The following ARHGEF4 variants were observed in gnomAD, a reference collection of about 807,000 sequenced individuals.
ARHGEF4 encodes Rho guanine nucleotide exchange factor 4.
In ARHGEF4, 119 loss-of-function variants were observed where a neutral mutation model predicts 162.0. The ratio of observed to expected loss-of-function variants is 0.73; its 90% CI spans 0.63 to 0.86. The LOEUF (loss-of-function observed/expected upper bound fraction) is 0.86, where lower values mean the gene tolerates loss of function less well. Among genes scored for constraint, ARHGEF4 ranks in the 40% least tolerant of loss-of-function variants. The probability of loss-of-function intolerance (pLI) is 0.00; values close to 1 mark genes in which losing one functional copy is unlikely to be tolerated. For synonymous variants in ARHGEF4, 1,014 were observed against 979.9 expected, an observed-to-expected ratio of 1.03 and a Z score of -0.65; for missense variants, 2,488 against 2,456.0, an observed-to-expected ratio of 1.01 and a Z score of -0.28.
chr2:131,041,324 ACTT>A lies in ARHGEF4; in HGVS notation c.4762_4764del (p.Phe1588del), dbSNP rs1690797016. 6.2e-7 allele frequency: 1 copy of A among 1,613,746 alleles called. No individual in the cohort carries two copies. The highest frequency in any genetic ancestry group is 8.5e-7 in the Non-Finnish European group (1 of 1,180,026). On this transcript the variant is annotated inframe_deletion, in exon 9 of 14. Coordinates refer to ENST00000409359, the MANE Select transcript of ARHGEF4 (RefSeq NM_001367493.1). ...CTCACCAAGCTCAGCAAGTACGTGT[ACTT>A]CTTCGAGGCCTGCCGGCTGCTGCAG...
intron 1 of ARHGEF4, among the ~76,000 whole-genome samples, chr2:130,883,886 G>A (rs1410496588): frequency 6.6e-6 from 1 of 152,136 alleles, no homozygotes; most frequent in Non-Finnish European, 1.5e-5. Flanking sequence ...CTGAGCTTCA[G>A]CCTCCTCATC....
intron 4 of ARHGEF4, among the ~76,000 whole-genome samples, chr2:131,026,169 AT>A (rs1689464010): frequency 6.6e-6 from 1 of 152,240 alleles, no homozygotes; most frequent in African/African-American, 2.4e-5. Flanking sequence ...AAGACCATTT[AT>A]TATCCTTACA....
At chr2:130,865,061 C>G (rs1339669231) in intron 1 of ARHGEF4, among the ~76,000 whole-genome samples, 1 of 152,166 alleles carries the variant, frequency 6.6e-6, no homozygotes, top group Non-Finnish European at 1.5e-5. Flanking sequence ...ACTCCCTGTC[C>G]TCAGAGGAGG....
intron 1 of ARHGEF4, among the ~76,000 whole-genome samples, chr2:130,899,359 G>T (rs1188012309): frequency 6.6e-6 from 1 of 152,172 alleles, no homozygotes; most frequent in African/African-American, 2.4e-5. Context: ...GAATGCCGCA[G>T]AAGAGTGAAC....
At chr2:131,005,516 G>A (rs561606425) in intron 4 of ARHGEF4, among the ~76,000 whole-genome samples, 1 of 152,284 alleles carries the variant, frequency 6.6e-6, no homozygotes, top group African/African-American at 2.4e-5. Flanking sequence ...CGCCTCTGGG[G>A]GTCATTTACT....
At chr2:130,893,119 G>A (rs778198620) in intron 1 of ARHGEF4, among the ~76,000 whole-genome samples, 22 of 152,168 alleles carry the variant, frequency 1.4e-4, no homozygotes, top group Non-Finnish European at 3.1e-4. Context: ...CCAGGACACC[G>A]TCCACCTGTG....
chr2:130,957,903 T>A (rs1362125756), intron 4 of ARHGEF4, among the ~76,000 whole-genome samples: 6 of 152,056 alleles, frequency 3.9e-5, no homozygotes, highest in Admixed American at 2.0e-4. Context: ...CTATTTTTTT[T>A]ATAAGCCACT....
At chr2:130,996,898 C>G (rs1207438558) in intron 4 of ARHGEF4, among the ~76,000 whole-genome samples, 1 of 152,200 alleles carries the variant, frequency 6.6e-6, no homozygotes, top group Non-Finnish European at 1.5e-5. Context: ...TACAATCTTT[C>G]TGTTTGGGTT....
At chr2:130,983,941 GC>G (rs1686291157) in intron 4 of ARHGEF4, among the ~76,000 whole-genome samples, 2 of 152,138 alleles carry the variant, frequency 1.3e-5, no homozygotes, top group Admixed American at 6.5e-5. Flanking sequence ...GAGCCACAAT[GC>G]CCGGCCTGAG....
At chr2:130,904,782 T>A (rs948210880) in intron 1 of ARHGEF4, among the ~76,000 whole-genome samples, 2 of 149,970 alleles carry the variant, frequency 1.3e-5, no homozygotes, top group Non-Finnish European at 3.0e-5. Flanking sequence ...ATTTTCACTA[T>A]AAAAAAAAAA....
chr2:130,950,702 C>T (rs1019779753), intron 4 of ARHGEF4, among the ~76,000 whole-genome samples: 7 of 149,848 alleles, frequency 4.7e-5, no homozygotes, highest in Non-Finnish European at 1.5e-5. Flanking sequence ...CACCACCACC[C>T]GAAGGAACCA....
At chr2:130,880,831 ATT>A (rs769216855) in intron 1 of ARHGEF4, among the ~76,000 whole-genome samples, 18 of 145,520 alleles carry the variant, frequency 1.2e-4, no homozygotes, top group Admixed American at 2.1e-4. Flanking sequence ...ACCCGGCCAA[ATT>A]TTTTTTTTTT....
At chr2:131,045,709 T>G (rs1691197173) in intron 13 of ARHGEF4, 1 of 1,447,290 alleles carries the variant, frequency 6.9e-7, no homozygotes, top group Non-Finnish European at 9.1e-7. Context: ...TCCCCAGGGT[T>G]CCTTCCTGAC....
At position 130,915,999 on chromosome 2, in the gene ARHGEF4, G is replaced by C. The variant is rs1471668946; in HGVS notation, c.2053G>C (p.Ala685Pro). The change falls in exon 2 of 14, where the codon GCC becomes CCC. Residue 685 changes from alanine to proline, a missense_variant. By Grantham distance (27) the Ala-to-Pro change is conservative. Around this residue, in one of 6 missense-constraint regions of ARHGEF4, gnomAD observed 1,642 missense variants for 1,481.5 expected, o/e 1.11. Coordinates refer to ENST00000409359, the MANE Select transcript of ARHGEF4 (RefSeq NM_001367493.1). Reference protein sequence around the residue: ...CESPTRGKTPAGNECELPAAP... With the variant: ...CESPTRGKTPPGNECELPAAP... The stretch of plus-strand genomic sequence containing the variant: ...GTCTCCCACTAGGGGGAAAACACCA[G>C]CCGGTAATGAGTGTGAGTTGCCAGC... The C allele has an allele frequency of 1.3e-6, 2 of 1,550,528 alleles. No homozygotes were observed. The highest frequency in any genetic ancestry group is 1.7e-6 in the Non-Finnish European group (2 of 1,146,978).
intron 4 of ARHGEF4, among the ~76,000 whole-genome samples, chr2:131,006,470 C>T (rs1227744476): frequency 6.6e-6 from 1 of 152,226 alleles, no homozygotes; most frequent in African/African-American, 2.4e-5. Flanking sequence ...GGCCCAGGAG[C>T]TGGCTGGCTG....
chr2:130,970,391 C>T (rs1685276106), intron 4 of ARHGEF4, among the ~76,000 whole-genome samples: 5 of 152,018 alleles, frequency 3.3e-5, no homozygotes. Context: ...GCGTTCGAGA[C>T]CAGCCTGACC....
intron 4 of ARHGEF4, among the ~76,000 whole-genome samples, chr2:131,022,108 GTCT>G (rs760566061): frequency 4.6e-5 from 7 of 152,120 alleles, no homozygotes; most frequent in African/African-American, 7.2e-5. Flanking sequence ...TTAGTCTGTA[GTCT>G]TCTTGTAGTT....
intron 1 of ARHGEF4, among the ~76,000 whole-genome samples, chr2:130,909,273 C>G (rs563920230): frequency 6.6e-6 from 1 of 152,302 alleles, no homozygotes; most frequent in African/African-American, 2.4e-5. Flanking sequence ...ACCCAAATGT[C>G]CATCAGCAGG....
intron 4 of ARHGEF4, among the ~76,000 whole-genome samples, chr2:131,010,463 C>A (rs1331574264): frequency 6.6e-6 from 1 of 152,092 alleles, no homozygotes; most frequent in Non-Finnish European, 1.5e-5. Context: ...TATTAGAAAC[C>A]CTTAAGAGAA....
Sources: gnomAD v4.1 joint callset for allele counts (sites outside exome capture counted in the v4.1 genomes callset) on GRCh38, gnomAD v4.1.1 for gene constraint, gnomAD v4.1.1 regional missense constraint, MANE v1.5 for transcripts, NCBI Gene and HGNC (gene_info 2026-07-23, HGNC 2026-07-21) for gene names.